SLC13A1: variants seen among roughly 807,000 people sequenced by gnomAD.
The protein encoded by SLC13A1 is solute carrier family 13 member 1.
Under a neutral mutation model 70.0 loss-of-function variants are expected in SLC13A1, and 65 were observed. The ratio of observed to expected loss-of-function variants is 0.93; its 90% CI spans 0.76 to 1.14. The LOEUF is 1.14. SLC13A1 is among the 50% of genes most tolerant of loss of function. SLC13A1 has a pLI of 0.00. For missense variants in SLC13A1, 726 were observed against 717.8 expected (o/e 1.01, Z -0.13); for synonymous variants, 275 against 250.5 (o/e 1.10, Z -0.92).
chr7:123,168,658 T>C (rs1161072274), intron 4 of SLC13A1, 97 bp from the exon 5 acceptor site: 2 of 867,566 alleles, frequency 2.3e-6, no homozygotes, highest in East Asian at 5.3e-5. Flanking sequence ...TAGTAGAAAT[T>C]GAAAATAAAA....
rs527914589 is a variant in SLC13A1 at position 123,172,553 on chromosome 7, C to T, written c.229-649G>A. ...AGAAGAATTGCTTGAACCCAGGAGG[C>T]GGAGTTGCAGTGAGCCGAGATCGTG... On this transcript the variant is annotated intron_variant, in intron 2 of 14. Coordinates refer to ENST00000194130, the MANE Select transcript of SLC13A1 (RefSeq NM_022444.4). Among the ~76,000 whole-genome samples, 6 of 152,238 alleles carry T rather than the reference C, an allele frequency of 3.9e-5. No individual in the cohort carries two copies. The South Asian group carries it at 6.2e-4, about 16-fold the overall frequency.
At chr7:123,177,268 A>G (rs1795478850) in intron 2 of SLC13A1, among the ~76,000 whole-genome samples, 1 of 152,014 alleles carries the variant, frequency 6.6e-6, no homozygotes, top group Non-Finnish European at 1.5e-5. Context: ...AAGTTTGCTG[A>G]TTTTACCTTC....
chr7:123,182,496 G>T (rs187101567), intron 1 of SLC13A1, among the ~76,000 whole-genome samples: 1 of 152,172 alleles, frequency 6.6e-6, no homozygotes, highest in African/African-American at 2.4e-5. Flanking sequence ...CTGCAGGCAA[G>T]ACTATTCCAA....
chr7:123,191,029 T>C (rs1353681607), intron 1 of SLC13A1, among the ~76,000 whole-genome samples: 2 of 152,220 alleles, frequency 1.3e-5, no homozygotes, highest in Non-Finnish European at 2.9e-5. Context: ...TATTGTATTT[T>C]GAAATTTTAT....
At chr7:123,169,425 G>A in intron 3 of SLC13A1, 90 bp from the exon 4 acceptor site, 2 of 1,218,366 alleles carry the variant, frequency 1.6e-6, no homozygotes, top group Non-Finnish European at 2.3e-6. Context: ...GATGTGTTTT[G>A]TGAGTTGGGA....
At position 123,169,151 on chromosome 7, in the gene SLC13A1, C is replaced by T; in HGVS notation, c.550G>A (p.Asp184Asn). 6.2e-7 allele frequency: 1 copy of T among 1,613,802 alleles called. No homozygotes were observed. Among genetic ancestry groups the T allele is most frequent in the Non-Finnish European group, 8.5e-7 (1 of 1,179,796 alleles). Residue 184 changes from aspartate (D) to asparagine (N), a missense_variant, in exon 4 of 15, where the codon GAT becomes AAT. Coordinates refer to ENST00000194130, the MANE Select transcript of SLC13A1 (RefSeq NM_022444.4). ...NGSTNHGLEI[D>N]ESVNGHEINE... The stretch of plus-strand genomic sequence containing the variant: ...TGGCCATATCAACATGTGATACCAT[C>T]AATTTCTAGTCCGTGGTTGGTTGAT...
intron 2 of SLC13A1, among the ~76,000 whole-genome samples, chr7:123,173,903 C>G (rs555807927): frequency 2.6e-5 from 4 of 151,574 alleles, no homozygotes; most frequent in Non-Finnish European, 5.9e-5. Flanking sequence ...CCACCTCTTT[C>G]AACTCTTACT....
intron 1 of SLC13A1, among the ~76,000 whole-genome samples, chr7:123,196,423 C>A (rs542652056): frequency 6.6e-6 from 1 of 152,034 alleles, no homozygotes; most frequent in Non-Finnish European, 1.5e-5. Context: ...GACACAGATA[C>A]TCAGTTGTGA....
intron 6 of SLC13A1, among the ~76,000 whole-genome samples, chr7:123,161,607 C>T (rs1447292632): frequency 2.0e-5 from 3 of 152,116 alleles, no homozygotes; most frequent in Non-Finnish European, 4.4e-5. Flanking sequence ...TGCAAGTTTC[C>T]AGTGCTGGAA....
intron 7 of SLC13A1, among the ~76,000 whole-genome samples, chr7:123,135,480 G>A (rs1264375279): frequency 2.0e-5 from 3 of 151,854 alleles, no homozygotes; most frequent in Admixed American, 6.6e-5. Flanking sequence ...ATATACAGAA[G>A]TAATAAAAAC....
At chr7:123,175,019 T>C (rs1222830206) in intron 2 of SLC13A1, among the ~76,000 whole-genome samples, 7 of 152,114 alleles carry the variant, frequency 4.6e-5, no homozygotes, top group Non-Finnish European at 1.0e-4. Flanking sequence ...TGATAATTTC[T>C]TCACTTATTT....
intron 2 of SLC13A1, 58 bp from the exon 3 acceptor site, chr7:123,171,962 C>G: frequency 6.7e-7 from 1 of 1,501,096 alleles, no homozygotes; most frequent in Admixed American, 1.8e-5. Context: ...TAACATTGCA[C>G]AAGAAAGACA....
chr7:123,189,902 A>T (rs958805504), intron 1 of SLC13A1, among the ~76,000 whole-genome samples: 1 of 152,094 alleles, frequency 6.6e-6, no homozygotes, highest in Admixed American at 6.5e-5. Flanking sequence ...GTTTGTACTT[A>T]CAAATGCATT....
intron 6 of SLC13A1, among the ~76,000 whole-genome samples, chr7:123,162,545 C>A (rs1794950547): frequency 6.6e-6 from 1 of 152,084 alleles, no homozygotes; most frequent in Admixed American, 6.6e-5. Context: ...GTACTAATTA[C>A]TGCCTTTGCC....
chr7:123,199,170 C>T (rs1796274177), intron 1 of SLC13A1, among the ~76,000 whole-genome samples: 1 of 152,086 alleles, frequency 6.6e-6, no homozygotes, highest in African/African-American at 2.4e-5. Context: ...AATCATTTTA[C>T]CAAGAAATTA....
chr7:123,134,446 G>C lies in SLC13A1; in HGVS notation c.896C>G (p.Ser299Cys). The C allele has an allele frequency of 6.2e-7, 1 of 1,613,346 alleles. No individual in the cohort carries two copies. Among genetic ancestry groups the C allele is most frequent in the South Asian group, 1.1e-5 (1 of 91,040 alleles). The change falls in exon 8 of 15, where the codon TCC (serine) becomes TGC (cysteine). Residue 299 changes from serine (S) to cysteine (C), a missense_variant. Ser to Cys is a moderately radical substitution (Grantham distance 112). Transcript: ENST00000194130. ...GAAAAGCCACTGAAGCCAGATCCAG[G>C]ATAAGAGTAGAATGATAAGGGCAGC... Reference protein sequence around the residue: ...FPAALIILLLSWIWLQWLFLG... With the variant: ...FPAALIILLLCWIWLQWLFLG...
At chr7:123,136,573 T>TGGCTG (rs1793955047) in intron 7 of SLC13A1, among the ~76,000 whole-genome samples, 1 of 152,196 alleles carries the variant, frequency 6.6e-6, no homozygotes, top group African/African-American at 2.4e-5. Context: ...TTAATTCTGA[T>TGGCTG]GAAATCCTTT....
chr7:123,119,097 G>A lies in SLC13A1; in HGVS notation c.1496C>T (p.Pro499Leu), dbSNP rs746049838. The A allele has an allele frequency of 6.2e-7, 1 of 1,612,110 alleles. No homozygotes were observed. The highest frequency in any genetic ancestry group is 8.5e-7 in the Non-Finnish European group (1 of 1,178,878). Residue 499 changes from proline to leucine, a missense_variant, in exon 13 of 15, where the codon CCA becomes CTA. Transcript: ENST00000194130. ...GATACTCACCAATGGAGATAATATTGGGAGAAAGAGTGTAATGGTAGCTGG... is the reference window on the plus strand; with the variant it reads ...GATACTCACCAATGGAGATAATATTAGGAGAAAGAGTGTAATGGTAGCTGG... The part of the protein sequence containing the change: ...SNPATITLFL[P>L]ILSPLAEAIH...
intron 6 of SLC13A1, among the ~76,000 whole-genome samples, chr7:123,165,960 C>T (rs2116524649): frequency 6.6e-6 from 1 of 152,190 alleles, no homozygotes; most frequent in African/African-American, 2.4e-5. Context: ...AAGGTAGACA[C>T]ATTCTTGCAC....
Sources: allele counts gnomAD v4.1 joint callset (sites outside exome capture counted in the v4.1 genomes callset), GRCh38; gene constraint gnomAD v4.1.1; transcripts MANE v1.5; gene names NCBI Gene and HGNC (gene_info 2026-07-23, HGNC 2026-07-21).